The following NTRK1 variants were observed in gnomAD, a reference collection of about 807,000 sequenced individuals.
NTRK1 encodes the protein neurotrophic receptor tyrosine kinase 1.
Under a neutral mutation model 86.8 loss-of-function variants are expected in NTRK1, and 62 were observed. That is an observed-to-expected ratio of 0.71 (90% CI 0.58 to 0.88). The LOEUF (loss-of-function observed/expected upper bound fraction) is 0.88, where lower values mean the gene tolerates loss of function less well. NTRK1 is among the 40% of genes least tolerant of loss of function. The probability of loss-of-function intolerance (pLI) is 0.00; values close to 1 mark genes in which losing one functional copy is unlikely to be tolerated. For synonymous variants in NTRK1, 469 were observed against 456.6 expected (o/e 1.03, Z -0.35); for missense variants, 967 against 1,078.4 (o/e 0.90, Z 1.45).
chr1:156,816,067 A>T lies in NTRK1; in HGVS notation c.-64+229A>T, dbSNP rs1357092217. 6.2e-6 allele frequency: 10 copies of T among 1,613,794 alleles called. No individual in the cohort carries two copies. In the Admixed American group the frequency reaches 1.7e-4, roughly 27 times the overall value. On this transcript the variant is annotated intron_variant, in intron 1 of 16. Transcript: ENST00000392302. Reference sequence around the variant, plus strand: ...CATGTCTGTGATCTGGAAGGTGCTGAAGGTTGGGATGGGGGCTTCGTGACT... The same window carrying T: ...CATGTCTGTGATCTGGAAGGTGCTGTAGGTTGGGATGGGGGCTTCGTGACT...
intron 15 of NTRK1, among the ~76,000 whole-genome samples, 191 bp downstream of exon 15, chr1:156,879,553 C>T (rs1403463245): frequency 2.0e-5 from 3 of 152,174 alleles, no homozygotes; most frequent in Non-Finnish European, 1.5e-5. Flanking sequence ...CAGATGGAAA[C>T]AGCACCTTCG....
intron 1 of NTRK1, chr1:156,840,669 C>A (rs1654739467): frequency 5.0e-6 from 3 of 601,798 alleles, no homozygotes; most frequent in African/African-American, 1.9e-5. Flanking sequence ...TTGCTCTCCC[C>A]CGAGGGACTC....
intron 9 of NTRK1, 77 bp from the exon 10 acceptor site, chr1:156,874,494 C>A (rs2102909501): frequency 6.2e-7 from 1 of 1,611,980 alleles, no homozygotes; most frequent in Non-Finnish European, 8.5e-7. Flanking sequence ...GAGAGACCAG[C>A]TGGGGCCAGG....
chr1:156,856,687 G>A (rs1490555971), upstream of NTRK1, among the ~76,000 whole-genome samples: 4 of 152,244 alleles, frequency 2.6e-5, no homozygotes, highest in African/African-American at 9.6e-5. Flanking sequence ...CAAGGAGGGT[G>A]GGACCCTTGT....
At chr1:156,858,837 CAGAG>C (rs1655503983), upstream of NTRK1, 3 of 584,696 alleles carry the variant, frequency 5.1e-6, no homozygotes, top group Non-Finnish European at 6.1e-6. Flanking sequence ...CAGTTGGAGA[CAGAG>C]AGACTCAGCA....
chr1:156,845,201 CG>C, intron 2 of NTRK1: 1 of 1,609,418 alleles, frequency 6.2e-7, no homozygotes, highest in Non-Finnish European at 8.5e-7. Context: ...CAGCACCGCT[CG>C]CTCACGGGGC....
Position 156,844,383 on chromosome 1 carries a change from C to T in NTRK1, c.50+2190C>T, listed in dbSNP as rs187764181. 1.5e-4 allele frequency: 219 copies of T among 1,489,024 alleles called. 4 individuals are homozygous for T. The highest frequency in any genetic ancestry group is 1.1e-3 in the South Asian group (88 of 83,772). The allele number at this position is 1,489,024 out of a possible 1,614,324, so 92.2% of individuals were successfully genotyped here. A position where few individuals can be genotyped will look rare whatever the true frequency, so the allele number is the denominator to read the frequency against. On this transcript the variant is annotated intron_variant, in intron 2 of 16. Transcript: ENST00000392302. ...TGGGAGGTGAGGATGGGGAGGGATGCGGGGGAGGGGCCTGTGGTGGGCTGG... is the reference window on the plus strand; with the variant it reads ...TGGGAGGTGAGGATGGGGAGGGATGTGGGGGAGGGGCCTGTGGTGGGCTGG...
chr1:156,849,364 G>A (rs935821318), intron 2 of NTRK1: 8 of 1,613,934 alleles, frequency 5.0e-6, no homozygotes, highest in Non-Finnish European at 6.8e-6. Flanking sequence ...GGTTGAAGGC[G>A]AAGTAGATCT....
intron 2 of NTRK1, among the ~76,000 whole-genome samples, chr1:156,847,730 T>C (rs1175955016): frequency 6.6e-6 from 1 of 151,954 alleles, no homozygotes; most frequent in Admixed American, 6.6e-5. Context: ...CATGACACAC[T>C]GAGCAGGTCT....
intron 7 of NTRK1, among the ~76,000 whole-genome samples, chr1:156,872,406 C>A (rs992530101): frequency 6.6e-6 from 1 of 152,026 alleles, no homozygotes; most frequent in Non-Finnish European, 1.5e-5. Context: ...GCTTTCCTAT[C>A]GGTATCATTT....
At position 156,873,756 on chromosome 1, in the gene NTRK1, C is replaced by A. The variant is rs755882352; in HGVS notation, c.974C>A (p.Thr325Asn). 10 of 1,613,200 alleles carry A rather than the reference C, an allele frequency of 6.2e-6. No homozygotes were observed. The highest frequency in any genetic ancestry group is 8.5e-6 in the Non-Finnish European group (10 of 1,179,820). Residue 325 changes from threonine to asparagine, a missense_variant, in exon 8 of 17, where the codon ACC (threonine) becomes AAC (asparagine). Physicochemically the swap from Thr to Asn is moderately conservative, Grantham distance 65 (BLOSUM62 0). Around this residue, in one of 2 missense-constraint regions of NTRK1, gnomAD observed 637 missense variants for 776.5 expected, o/e 0.82. Coordinates refer to ENST00000524377, the MANE Select transcript of NTRK1 (RefSeq NM_002529.4). ...WLFNGSVLNE[T>N]SFIFTEFLEP... ...TTCAATGGCTCCGTGCTCAATGAGA[C>A]CAGCTTCATCTTCACTGAGTTCCTG...
At chr1:156,842,502 G>C (rs1330956974) in intron 2 of NTRK1, 7 of 1,613,662 alleles carry the variant, frequency 4.3e-6, no homozygotes, top group Admixed American at 1.7e-5. Flanking sequence ...ACACCCAGGA[G>C]ACGCACCTGG....
intron 6 of NTRK1, among the ~76,000 whole-genome samples, chr1:156,870,921 A>G (rs1292881570): frequency 1.3e-5 from 2 of 152,236 alleles, no homozygotes; most frequent in African/African-American, 4.8e-5. Flanking sequence ...GATGATTCAG[A>G]ATCAAGTCAC....
intron 1 of NTRK1, among the ~76,000 whole-genome samples, chr1:156,820,666 A>G (rs1178755291): frequency 6.6e-6 from 1 of 152,220 alleles, no homozygotes; most frequent in Non-Finnish European, 1.5e-5. Context: ...TACCAGTACC[A>G]TGCAGTTTTG....
chr1:156,844,301 G>C, intron 2 of NTRK1: 1 of 1,598,282 alleles, frequency 6.3e-7, no homozygotes, highest in South Asian at 1.1e-5. Flanking sequence ...GAGGGCAGCA[G>C]AGGGTAGAGT....
intron 1 of NTRK1, among the ~76,000 whole-genome samples, chr1:156,834,192 C>T (rs1445165496): frequency 2.0e-5 from 3 of 152,168 alleles, no homozygotes; most frequent in East Asian, 1.9e-4. Flanking sequence ...AAGGGCATCA[C>T]GGGGAAGCCA....
rs2102878760 is a variant in NTRK1, at chr1:156,860,921, C to G, written c.-14C>G. On this transcript the variant is annotated 5_prime_UTR_variant, in exon 1 of 17. Transcript: ENST00000524377. ...AGACGGCTGCCCCGCCTGAGCGAGGCGGGCGCCGCCGCGATGCTGCGAGGC... is the reference window on the plus strand; with the variant it reads ...AGACGGCTGCCCCGCCTGAGCGAGGGGGGCGCCGCCGCGATGCTGCGAGGC... 1.4e-6 allele frequency: 2 copies of G among 1,434,596 alleles called. No homozygotes were observed. The highest frequency in any genetic ancestry group is 1.8e-6 in the Non-Finnish European group (2 of 1,105,022). The allele number at this position is 1,434,596 out of a possible 1,614,324, so 88.9% of individuals were successfully genotyped here.
In NTRK1 at chr1:156,873,821, C is replaced by T. The variant is rs561243137; in HGVS notation, c.1039C>T (p.Arg347Cys). Residue 347 changes from arginine to cysteine, a missense_variant, in exon 8 of 17, where the codon CGC (arginine) becomes TGC (cysteine). Arg to Cys is a radical substitution (Grantham distance 180, BLOSUM62 -3). This residue lies in a region of NTRK1 where 637 missense variants were observed against 776.5 expected (regional missense o/e 0.82). Coordinates refer to ENST00000524377, the MANE Select transcript of NTRK1 (RefSeq NM_002529.4). ...TGAGACCGTGCGGCACGGGTGTCTG[C>T]GCCTCAACCAGCCCACCCACGTCAA... ...ANETVRHGCL[R>C]LNQPTHVNNG... is the part of the protein sequence containing the mutation. 19 of 1,612,138 alleles carry T rather than the reference C, an allele frequency of 1.2e-5. No homozygotes were observed. Among genetic ancestry groups the T allele is most frequent in the Admixed American group, 6.7e-5 (4 of 59,828 alleles).
chr1:156,875,752 T>C, intron 12 of NTRK1, 86 bp downstream of exon 12: 5 of 1,530,708 alleles, frequency 3.3e-6, no homozygotes, highest in Non-Finnish European at 4.4e-6. Context: ...CCCCTAGGCC[T>C]GAACGATCCC....
Sources: gnomAD v4.1 joint callset for allele counts (sites outside exome capture counted in the v4.1 genomes callset) on GRCh38, gnomAD v4.1.1 for gene constraint, gnomAD v4.1.1 regional missense constraint, MANE v1.5 for transcripts, NCBI Gene and HGNC (gene_info 2026-07-23, HGNC 2026-07-21) for gene names.